Variants in PCBP3 observed in about 807,000 individuals in gnomAD.
The protein encoded by PCBP3 is poly(rC) binding protein 3.
In PCBP3, 25 loss-of-function variants were observed where a neutral mutation model predicts 52.7. The observed-to-expected ratio is 0.47, with a 90% CI of 0.35 to 0.66. PCBP3 has a LOEUF of 0.66. PCBP3 is among the 30% of genes least tolerant of loss of function. PCBP3 has a pLI of 0.01. For synonymous variants in PCBP3, 162 were observed against 183.0 expected, an observed-to-expected ratio of 0.89 and a Z score of 0.93; for missense variants, 391 against 490.3, an observed-to-expected ratio of 0.80 and a Z score of 1.91.
rs1160966427 is a variant in PCBP3, at chr21:45,800,243, G to A, written c.-126+44791G>A. Among the ~76,000 whole-genome samples, 1 of 152,198 alleles carries A rather than the reference G, an allele frequency of 6.6e-6. No individual in the cohort carries two copies. Among genetic ancestry groups the A allele is most frequent in the Non-Finnish European group, 1.5e-5 (1 of 68,036 alleles). Reference sequence around the variant, plus strand: ...CTTTTTCTTGGGAGCACCGGGCCAAGCCAGAGGCTCCTGGCAGATCCACCC... The same window carrying A: ...CTTTTTCTTGGGAGCACCGGGCCAAACCAGAGGCTCCTGGCAGATCCACCC... On this transcript the variant is annotated intron_variant, in intron 4 of 17. Transcript: ENST00000681687. This position sits in a 1 kb window ranked among gnomAD's most constrained non-coding sequence, Gnocchi z 5.3.
At chr21:45,909,231 C>G (rs1002800410) in intron 9 of PCBP3, 124 bp from the exon 10 acceptor site, 14 of 1,046,408 alleles carry the variant, frequency 1.3e-5, no homozygotes, top group Admixed American at 2.2e-5. Flanking sequence ...ACTTTGTCCT[C>G]GGCTGTGCAT....
Position 45,736,475 on chromosome 21 carries a change from G to A in PCBP3, c.-162+1046G>A, listed in dbSNP as rs181568122. Reference sequence around the variant, plus strand: ...GTGCATCCTGAGGAGACAGTGCTGCGGGCCCCGCCTACTAACTTCCAGAGA... The same window carrying A: ...GTGCATCCTGAGGAGACAGTGCTGCAGGCCCCGCCTACTAACTTCCAGAGA... On this transcript the variant is annotated intron_variant, in intron 3 of 17. Transcript: ENST00000681687. This position sits in a 1 kb window ranked among gnomAD's most constrained non-coding sequence, Gnocchi z 4.6. 4.6e-4 allele frequency among the ~76,000 whole-genome samples: 70 copies of A among 152,324 alleles called. 1 individual carries two copies. The highest frequency in any genetic ancestry group is 1.5e-3 in the African/African-American group (61 of 41,572).
chr21:45,851,503 T>C lies in PCBP3; in HGVS notation c.10+1408T>C, dbSNP rs1023696203. On this transcript the variant is annotated intron_variant, in intron 5 of 17. Coordinates refer to ENST00000681687, the MANE Select transcript of PCBP3 (RefSeq NM_001384156.1). Reference sequence around the variant, plus strand: ...CTCCAGCCTGGGCCATGGAGTGAGATTGTCTTAAAAAAAAGAAAGAAAGTG... The same window carrying C: ...CTCCAGCCTGGGCCATGGAGTGAGACTGTCTTAAAAAAAAGAAAGAAAGTG... Among the ~76,000 whole-genome samples the C allele has an allele frequency of 5.3e-5, 8 of 151,926 alleles. No homozygotes were observed. In the East Asian group the frequency reaches 9.7e-4, roughly 18 times the overall value.
intron 4 of PCBP3, among the ~76,000 whole-genome samples, chr21:45,790,589 C>T (rs1041889931): frequency 4.6e-5 from 7 of 152,084 alleles, no homozygotes; most frequent in East Asian, 1.9e-4. Context: ...AGGCCTGGGG[C>T]GCCCCTGCCT....
chr21:45,935,059 G>A (rs569019398), intron 15 of PCBP3, among the ~76,000 whole-genome samples, 194 bp from the exon 16 acceptor site: 225 of 152,330 alleles, frequency 1.5e-3, no homozygotes, highest in Non-Finnish European at 2.9e-3. Context: ...GAGAGAGGTT[G>A]GGACTAAGGA....
At chr21:45,671,774 T>C (rs974461659) in intron 2 of PCBP3, among the ~76,000 whole-genome samples, 3 of 152,206 alleles carry the variant, frequency 2.0e-5, no homozygotes, top group East Asian at 3.8e-4. Context: ...AGGTTAAAGC[T>C]GTGATTGGTA....
intron 3 of PCBP3, among the ~76,000 whole-genome samples, chr21:45,740,777 G>A (rs1443605121): frequency 2.0e-5 from 3 of 152,148 alleles, no homozygotes; most frequent in Non-Finnish European, 4.4e-5. Flanking sequence ...TGTGTGGTAT[G>A]TGTGCATCTG....
intron 4 of PCBP3, among the ~76,000 whole-genome samples, chr21:45,804,828 G>T (rs536151513): frequency 6.6e-6 from 1 of 152,278 alleles, no homozygotes; most frequent in South Asian, 2.1e-4. Flanking sequence ...CAAGCAGGAG[G>T]GGTGGGAAGG....
At chr21:45,940,896 A>G (rs1402370293) in intron 17 of PCBP3, among the ~76,000 whole-genome samples, 1 of 148,890 alleles carries the variant, frequency 6.7e-6, no homozygotes, top group Non-Finnish European at 1.5e-5. Context: ...CTACTGCAAG[A>G]GCCCTGAGCT....
At position 45,786,105 on chromosome 21, in the gene PCBP3, C is replaced by T. The variant is rs182862336; in HGVS notation, c.-126+30653C>T. ...TGTGACCCTGCCAAATCCCCCTCTGCGAGAAACACCCAAGAATGATCAATA... is the reference window on the plus strand; with the variant it reads ...TGTGACCCTGCCAAATCCCCCTCTGTGAGAAACACCCAAGAATGATCAATA... On this transcript the variant is annotated intron_variant, in intron 4 of 17. Transcript: ENST00000681687. Among the ~76,000 whole-genome samples, 21 of 143,214 alleles carry T rather than the reference C, an allele frequency of 1.5e-4. No homozygotes were observed. The East Asian group carries it at 2.8e-3, about 19-fold the overall frequency. 94.0% of individuals were successfully genotyped at this position (143,214 alleles called of 152,430 possible). A position where few individuals can be genotyped will look rare whatever the true frequency, so the allele number is the denominator to read the frequency against.
At chr21:45,758,085 C>A in intron 4 of PCBP3, among the ~76,000 whole-genome samples, 1 of 152,124 alleles carries the variant, frequency 6.6e-6, no homozygotes, top group South Asian at 2.1e-4. Context: ...GACGGGGTTT[C>A]ACCATGTTGC....
chr21:45,744,708 G>T (rs1048645423), intron 3 of PCBP3, among the ~76,000 whole-genome samples: 1 of 151,894 alleles, frequency 6.6e-6, no homozygotes, highest in Non-Finnish European at 1.5e-5. Context: ...ATAGTTTCCT[G>T]AGTGCTTCTT....
At chr21:45,924,167 T>C (rs373848555) in intron 13 of PCBP3, among the ~76,000 whole-genome samples, 682 of 20,788 alleles carry the variant, frequency 0.033, 3 homozygotes, top group Admixed American at 0.053. Context: ...ATGTGAACAC[T>C]GGGAACAGTC....
intron 1 of PCBP3, among the ~76,000 whole-genome samples, chr21:45,645,621 A>T (rs746291338): frequency 7.2e-5 from 11 of 152,200 alleles, no homozygotes; most frequent in Non-Finnish European, 1.3e-4. Context: ...GCTATTCTTT[A>T]CCCTATTGTT....
intron 4 of PCBP3, among the ~76,000 whole-genome samples, chr21:45,794,071 C>T (rs1348145110): frequency 2.6e-5 from 4 of 152,186 alleles, no homozygotes; most frequent in African/African-American, 4.8e-5. Context: ...ATAAAAATCT[C>T]AAGCATATGT....
At chr21:45,647,313 T>C (rs535424478) in intron 1 of PCBP3, among the ~76,000 whole-genome samples, 19 of 152,346 alleles carry the variant, frequency 1.2e-4, no homozygotes, top group Non-Finnish European at 1.8e-4. Flanking sequence ...CCCTACTGTT[T>C]GCCATTTCCT....
At chr21:45,869,868 G>T (rs1456436897) in intron 5 of PCBP3, among the ~76,000 whole-genome samples, 1 of 152,254 alleles carries the variant, frequency 6.6e-6, no homozygotes. Context: ...CCAAGGTGCT[G>T]TGGCCGCACT....
intron 4 of PCBP3, chr21:45,848,495 G>A (rs2093869380): frequency 6.6e-6 from 1 of 152,256 alleles, no homozygotes; most frequent in African/African-American, 2.4e-5. Context: ...TAGTTCTAGG[G>A]AGTCAGCCTG....
intron 4 of PCBP3, among the ~76,000 whole-genome samples, chr21:45,772,682 A>G (rs1288340577): frequency 1.3e-5 from 2 of 152,156 alleles, no homozygotes; most frequent in Admixed American, 6.5e-5. Context: ...ATTCCCACCA[A>G]TGATATATAA....
Sources: gnomAD v4.1 joint callset for allele counts (sites outside exome capture counted in the v4.1 genomes callset) on GRCh38, gnomAD v4.1.1 for gene constraint, Gnocchi (gnomAD v3.1) non-coding constraint, MANE v1.5 for transcripts, NCBI Gene and HGNC (gene_info 2026-07-23, HGNC 2026-07-21) for gene names.